SYCP2: variants seen among roughly 807,000 people sequenced by gnomAD.
SYCP2 encodes synaptonemal complex lateral element protein.
In SYCP2, 55 loss-of-function variants were observed where a neutral mutation model predicts 211.3. That is an observed-to-expected ratio of 0.26 (90% CI 0.21 to 0.33). The LOEUF is 0.33. Among genes scored for constraint, SYCP2 ranks in the 10% least tolerant of loss-of-function variants. SYCP2 has a pLI of 1.00. For missense variants in SYCP2, 1,731 were observed against 1,752.0 expected (o/e 0.99, Z 0.21); for synonymous variants, 570 against 555.2 (o/e 1.03, Z -0.37).
At chr20:59,867,892 CT>C in intron 38 of SYCP2, 45 bp from the exon 39 acceptor site, 3 of 1,440,874 alleles carry the variant, frequency 2.1e-6, no homozygotes, top group Non-Finnish European at 2.9e-6. Context: ...ATGCATTACT[CT>C]AAATTTAGCC....
At chr20:59,913,057 C>A (rs955871708) in intron 12 of SYCP2, among the ~76,000 whole-genome samples, 5 of 152,156 alleles carry the variant, frequency 3.3e-5, no homozygotes, top group African/African-American at 1.2e-4. Flanking sequence ...ATACAGTGTG[C>A]TATCAAATAT....
chr20:59,909,197 C>G (rs1462312617), intron 14 of SYCP2, among the ~76,000 whole-genome samples: 1 of 152,084 alleles, frequency 6.6e-6, no homozygotes, highest in South Asian at 2.1e-4. Context: ...TTTCATAGTT[C>G]TTTCATATAG....
At position 59,886,722 on chromosome 20, in the gene SYCP2, T is replaced by C. The variant is rs746386747; in HGVS notation, c.2477A>G (p.Glu826Gly). ...DDIKSTRKLK[E>G]SLINSGFSNK... Reference sequence around the variant, plus strand: ...AAGAACATACCTGTTAATCAAAGACTCCTTTAATTTTCTTGTAGACTTGAT... The same window carrying C: ...AAGAACATACCTGTTAATCAAAGACCCCTTTAATTTTCTTGTAGACTTGAT... Residue 826 changes from glutamate to glycine, a missense_variant, in exon 25 of 45, where the codon GAG becomes GGG. Physicochemically the swap from Glu to Gly is moderately conservative, Grantham distance 98 (BLOSUM62 -2). Transcript: ENST00000357552. 2.0e-5 allele frequency: 31 copies of C among 1,562,236 alleles called. No homozygotes were observed. Among genetic ancestry groups the C allele is most frequent in the South Asian group, 6.0e-5 (5 of 83,214 alleles).
chr20:59,889,443 T>A (rs2059860651), intron 24 of SYCP2, among the ~76,000 whole-genome samples: 1 of 151,998 alleles, frequency 6.6e-6, no homozygotes. Flanking sequence ...CAGCATAATT[T>A]AGATAACTTA....
At chr20:59,878,891 G>A (rs2145657078) in intron 31 of SYCP2, among the ~76,000 whole-genome samples, 1 of 152,168 alleles carries the variant, frequency 6.6e-6, no homozygotes, top group Non-Finnish European at 1.5e-5. Context: ...AGCAAAGGAA[G>A]CAAAGCTGTT....
At chr20:59,873,110 GATT>G (rs766170302) in intron 35 of SYCP2, among the ~76,000 whole-genome samples, 18 of 152,132 alleles carry the variant, frequency 1.2e-4, no homozygotes, top group Non-Finnish European at 2.5e-4. Flanking sequence ...ACTATGCACA[GATT>G]TCTTTTTCCT....
Position 59,865,835 on chromosome 20 carries a change from T to C in SYCP2, c.4351A>G (p.Ser1451Gly). 1 of 1,442,144 alleles carries C rather than the reference T, an allele frequency of 6.9e-7. No homozygotes were observed. The highest frequency in any genetic ancestry group is 9.3e-7 in the Non-Finnish European group (1 of 1,075,920). The allele number at this position is 1,442,144 out of a possible 1,614,324, so 89.3% of individuals were successfully genotyped here. A position where few individuals can be genotyped will look rare whatever the true frequency, so the allele number is the denominator to read the frequency against. The change falls in exon 42 of 45, where the codon AGT (serine) becomes GGT (glycine). Residue 1451 changes from serine to glycine, a missense_variant. Ser to Gly is a moderately conservative substitution (Grantham distance 56). Around this residue, in one of 3 missense-constraint regions of SYCP2, gnomAD observed 1,387 missense variants for 1,351.3 expected, o/e 1.03. Coordinates refer to ENST00000357552, the MANE Select transcript of SYCP2 (RefSeq NM_014258.4). ...DFWEKIFQKF[S>G]AYQKSEQQRL... ...TGTTGTTCGCTTTTTTGATATGCAC[T>C]GAACTTCTGAAATATCTTTTCCCAA...
intron 2 of SYCP2, among the ~76,000 whole-genome samples, chr20:59,926,027 A>G (rs1367513939): frequency 6.6e-6 from 1 of 152,058 alleles, no homozygotes; most frequent in African/African-American, 2.4e-5. Context: ...AACAAACTTT[A>G]GAAGTAACAA....
At chr20:59,874,698 C>T (rs1466449871) in intron 34 of SYCP2, among the ~76,000 whole-genome samples, 2 of 151,878 alleles carry the variant, frequency 1.3e-5, no homozygotes, top group Non-Finnish European at 2.9e-5. Flanking sequence ...TTAAAATGTC[C>T]TTACAAGGAA....
chr20:59,926,523 A>AT (rs1377496371), intron 2 of SYCP2, among the ~76,000 whole-genome samples: 2 of 152,050 alleles, frequency 1.3e-5, no homozygotes, highest in African/African-American at 2.4e-5. Context: ...ATAAATATAT[A>AT]TTGGGTTAGG....
At chr20:59,918,716 G>A (rs2060486197) in intron 7 of SYCP2, among the ~76,000 whole-genome samples, 1 of 152,066 alleles carries the variant, frequency 6.6e-6, no homozygotes, top group Non-Finnish European at 1.5e-5. Context: ...TTTCTAATGT[G>A]ACATACATAA....
intron 14 of SYCP2, among the ~76,000 whole-genome samples, chr20:59,910,382 T>TA (rs950778535): frequency 7.6e-6 from 1 of 131,844 alleles, no homozygotes; most frequent in Middle Eastern, 3.3e-3. Context: ...TTATTTTTTT[T>TA]TTTTTTTTTT....
chr20:59,867,110 G>GGGGGC (rs2059361856), intron 39 of SYCP2, among the ~76,000 whole-genome samples: 1 of 54,998 alleles, frequency 1.8e-5, no homozygotes, highest in African/African-American at 8.0e-5. Flanking sequence ...GGGGGCGGGG[G>GGGGGC]GGGGGGGGGA....
intron 33 of SYCP2, among the ~76,000 whole-genome samples, chr20:59,876,385 A>AAAG: frequency 9.5e-6 from 1 of 105,348 alleles, no homozygotes; most frequent in Non-Finnish European, 1.8e-5. Context: ...AAAAAAAAAA[A>AAAG]AAAAAAAAAA....
rs187379541 is a variant in SYCP2 at position 59,867,188 on chromosome 20, C to G, written c.4125+523G>C. On this transcript the variant is annotated intron_variant, in intron 39 of 44. Coordinates refer to ENST00000357552, the MANE Select transcript of SYCP2 (RefSeq NM_014258.4). ...AGGGCATAAAAAACTAAAAAACTAT[C>G]GATTCCAAATAGAGGCATGTGAAAG... Among the ~76,000 whole-genome samples the G allele has an allele frequency of 2.7e-4, 29 of 107,526 alleles. No homozygotes were observed. The Admixed American group carries it at 2.7e-3, about 10-fold the overall frequency. 70.5% of individuals were successfully genotyped at this position (107,526 alleles called of 152,430 possible).
At position 59,868,474 on chromosome 20, in the gene SYCP2, TCTC is replaced by T; in HGVS notation, c.3924_3926del (p.Arg1309del). The stretch of plus-strand genomic sequence containing the variant: ...ACAGTTTTTTGGGAAGCAAGTTTGC[TCTC>T]CTTTCTCCTTTCTCTTCCATTTCTA... On this transcript the variant is annotated inframe_deletion, in exon 38 of 45. Transcript: ENST00000357552. 1 of 1,611,470 alleles carries T rather than the reference TCTC, an allele frequency of 6.2e-7. No individual in the cohort carries two copies. Among genetic ancestry groups the T allele is most frequent in the Non-Finnish European group, 8.5e-7 (1 of 1,178,462 alleles).
chr20:59,887,499 T>C (rs2059815180), intron 24 of SYCP2, among the ~76,000 whole-genome samples: 1 of 152,158 alleles, frequency 6.6e-6, no homozygotes. Flanking sequence ...TTATAATCCT[T>C]TGGGTATATA....
Position 59,915,158 on chromosome 20 carries a change from T to C in SYCP2, c.634+7A>G. On this transcript the variant is annotated splice_region_variant and intron_variant, in intron 10 of 44. Transcript: ENST00000357552. Reference sequence around the variant, plus strand: ...AATAATTTTAGATTTGGAAAAGACATACTTACCTCCAGCATCTAAAATCCT... The same window carrying C: ...AATAATTTTAGATTTGGAAAAGACACACTTACCTCCAGCATCTAAAATCCT... The C allele has an allele frequency of 1.3e-6, 2 of 1,556,610 alleles. 1 individual carries two copies. The highest frequency in any genetic ancestry group is 2.3e-5 in the South Asian group (2 of 88,856).
chr20:59,913,766 AAC>A (rs996412491), intron 12 of SYCP2, among the ~76,000 whole-genome samples: 1 of 152,124 alleles, frequency 6.6e-6, no homozygotes, highest in Non-Finnish European at 1.5e-5. Flanking sequence ...TACAAAATAA[AAC>A]AAGGCCAGTG....
Sources: allele counts gnomAD v4.1 joint callset (sites outside exome capture counted in the v4.1 genomes callset), GRCh38; gene constraint gnomAD v4.1.1; regional missense constraint gnomAD v4.1.1; transcripts MANE v1.5; gene names NCBI Gene and HGNC (gene_info 2026-07-23, HGNC 2026-07-21).